ZNF385D: variants seen among roughly 807,000 people sequenced by gnomAD.
ZNF385D encodes zinc finger protein 385D.
ZNF385D carries 15 observed loss-of-function variants against 35.8 expected under a neutral mutation model. That is an observed-to-expected ratio of 0.42 (90% CI 0.28 to 0.64). ZNF385D has a LOEUF of 0.64. Among genes scored for constraint, ZNF385D ranks in the 30% least tolerant of loss-of-function variants. ZNF385D has a pLI of 0.23. For missense variants in ZNF385D, 474 were observed against 494.6 expected (o/e 0.96, Z 0.39); for synonymous variants, 212 against 186.8 (o/e 1.13, Z -1.10).
At chr3:21,975,719 A>ATG (rs1703562512) in intron 3 of ZNF385D, among the ~76,000 whole-genome samples, 3 of 4,172 alleles carry the variant, frequency 7.2e-4, no homozygotes, top group African/African-American at 1.4e-3. Context: ...ATATATATAT[A>ATG]TATATATATA....
intron 3 of ZNF385D, among the ~76,000 whole-genome samples, chr3:21,850,914 TA>T (rs939764377): frequency 6.6e-6 from 1 of 151,558 alleles, no homozygotes; most frequent in African/African-American, 2.4e-5. Context: ...TAAAGAAAAA[TA>T]AAAAATTCCA....
At chr3:22,324,094 T>C (rs184766368) in intron 2 of ZNF385D, among the ~76,000 whole-genome samples, 47 of 152,088 alleles carry the variant, frequency 3.1e-4, no homozygotes, top group African/African-American at 1.1e-3. Flanking sequence ...AAAAAATAAT[T>C]ATAACTTGGC....
In ZNF385D at chr3:21,905,689, A is replaced by AATATATATATATATATATATATAT. The variant is rs4044583; in HGVS notation, c.326-240662_326-240661insATATATATATATATATATATATAT. ...AGGTTATTCAAGGATCATCTGTGGTAATATATATATATATATATATATTCA... is the reference window on the plus strand; with the variant it reads ...AGGTTATTCAAGGATCATCTGTGGTAATATATATATATATATATATATATATATATATATATATATATATATTCA... On this transcript the variant is annotated intron_variant, in intron 3 of 5. Transcript: ENST00000494108. Among the ~76,000 whole-genome samples the AATATATATATATATATATATATAT allele has an allele frequency of 2.0e-5, 3 of 148,820 alleles. No individual in the cohort carries two copies. The East Asian group carries it at 6.0e-4, about 30-fold the overall frequency.
chr3:22,006,848 C>T (rs1033627004), intron 3 of ZNF385D, among the ~76,000 whole-genome samples: 1 of 151,836 alleles, frequency 6.6e-6, no homozygotes, highest in African/African-American at 2.4e-5. Context: ...TAAGTAGAAA[C>T]TGATACAAAA....
At chr3:21,463,454 A>T (rs1300007677) in intron 4 of ZNF385D, among the ~76,000 whole-genome samples, 1 of 152,228 alleles carries the variant, frequency 6.6e-6, no homozygotes, top group Non-Finnish European at 1.5e-5. Flanking sequence ...ACAGCGAAGC[A>T]GTCACAGAGC....
chr3:21,843,630 C>G lies in ZNF385D; in HGVS notation c.326-178602G>C, dbSNP rs1315987176. ...TACTGTACTAGGCACTTCAAGAATA[C>G]AAAAATGAATAGAACCAAGCAGTTA... On this transcript the variant is annotated intron_variant, in intron 3 of 5. Coordinates refer to the ZNF385D transcript ENST00000494108. 2.6e-5 allele frequency among the ~76,000 whole-genome samples: 4 copies of G among 151,764 alleles called. No individual in the cohort carries two copies. The East Asian group carries it at 7.8e-4, about 30-fold the overall frequency.
chr3:22,144,266 A>G (rs1704705027), intron 3 of ZNF385D, among the ~76,000 whole-genome samples: 1 of 152,174 alleles, frequency 6.6e-6, no homozygotes, highest in Non-Finnish European at 1.5e-5. Flanking sequence ...TTAAACTTGA[A>G]GAGATTTTAT....
At chr3:22,318,003 G>A (rs1703993260) in intron 2 of ZNF385D, among the ~76,000 whole-genome samples, 2 of 151,748 alleles carry the variant, frequency 1.3e-5, no homozygotes, top group South Asian at 2.1e-4. Context: ...AGGTTGCAGT[G>A]AGCATTACCA....
chr3:21,823,405 C>T (rs1021885704), intron 3 of ZNF385D, among the ~76,000 whole-genome samples: 3 of 151,720 alleles, frequency 2.0e-5, no homozygotes, highest in South Asian at 4.2e-4. Flanking sequence ...CATTACATGT[C>T]CAGTGCATGT....
chr3:21,734,894 C>A (rs2069173900), intron 1 of ZNF385D, among the ~76,000 whole-genome samples: 2 of 152,028 alleles, frequency 1.3e-5, no homozygotes, highest in Non-Finnish European at 2.9e-5. Context: ...ATTGCATTTA[C>A]TAGAGATAAA....
At chr3:21,766,750 A>G (rs1246798046) in intron 3 of ZNF385D, among the ~76,000 whole-genome samples, 1 of 152,088 alleles carries the variant, frequency 6.6e-6, no homozygotes, top group Non-Finnish European at 1.5e-5. Context: ...CAAAGGGAGA[A>G]TAAGAGGATA....
At chr3:22,049,164 G>C (rs907400500) in intron 3 of ZNF385D, among the ~76,000 whole-genome samples, 1 of 151,940 alleles carries the variant, frequency 6.6e-6, no homozygotes, top group Admixed American at 6.6e-5. Flanking sequence ...GGGCATGGTG[G>C]TGGGCACCTG....
Position 21,912,703 on chromosome 3 carries a change from G to C in ZNF385D, c.326-247675C>G, listed in dbSNP as rs148819531. 7.9e-5 allele frequency among the ~76,000 whole-genome samples: 12 copies of C among 152,102 alleles called. No individual in the cohort carries two copies. In the East Asian group the frequency reaches 2.1e-3, roughly 27 times the overall value. ...CCCCATCCTTTTGAAATTGGAAAAA[G>C]AGCAAAATTCAATTAATGATATTAT... is the stretch of plus-strand genomic sequence containing the variant. On this transcript the variant is annotated intron_variant, in intron 3 of 5. Transcript: ENST00000494108.
chr3:21,709,306 C>G (rs2068016141), intron 1 of ZNF385D, among the ~76,000 whole-genome samples: 1 of 152,058 alleles, frequency 6.6e-6, no homozygotes, highest in Non-Finnish European at 1.5e-5. Context: ...GCTAATCTTC[C>G]TTCCAAACAT....
intron 2 of ZNF385D, among the ~76,000 whole-genome samples, chr3:22,307,213 G>T (rs6550675): frequency 6.6e-6 from 1 of 151,916 alleles, no homozygotes; most frequent in East Asian, 1.9e-4. Context: ...GTGGGGAGGT[G>T]GGAAGTGTTT....
intron 1 of ZNF385D, among the ~76,000 whole-genome samples, chr3:21,671,704 G>T (rs1468433205): frequency 1.3e-5 from 2 of 152,164 alleles, no homozygotes; most frequent in Non-Finnish European, 2.9e-5. Context: ...GAATCATTTT[G>T]TCAAATTAGT....
intron 2 of ZNF385D, among the ~76,000 whole-genome samples, chr3:22,227,585 T>G (rs1698637290): frequency 6.6e-6 from 1 of 152,030 alleles, no homozygotes; most frequent in African/African-American, 2.4e-5. Context: ...ATGCAGAACT[T>G]AACTAAGAGC....
chr3:22,287,667 T>G (rs1702094849), intron 2 of ZNF385D, among the ~76,000 whole-genome samples: 1 of 152,008 alleles, frequency 6.6e-6, no homozygotes, highest in African/African-American at 2.4e-5. Flanking sequence ...GCATTTTAGG[T>G]TTTTGATGAC....
intron 2 of ZNF385D, among the ~76,000 whole-genome samples, chr3:22,301,120 G>T (rs189714380): frequency 1.3e-5 from 2 of 152,124 alleles, no homozygotes; most frequent in Admixed American, 6.6e-5. Context: ...AGGAAATCCT[G>T]TCATTTGAGA....
Sources: allele counts gnomAD v4.1 joint callset (sites outside exome capture counted in the v4.1 genomes callset), GRCh38; gene constraint gnomAD v4.1.1; transcripts MANE v1.5; gene names NCBI Gene and HGNC (gene_info 2026-07-23, HGNC 2026-07-21).